Variants in CPNE8 observed in about 807,000 individuals in gnomAD.
CPNE8 encodes the protein copine 8.
In CPNE8, 45 loss-of-function variants were observed where a neutral mutation model predicts 81.5. The observed-to-expected ratio is 0.55, with a 90% CI of 0.44 to 0.71. The LOEUF (loss-of-function observed/expected upper bound fraction) is 0.71, where lower values mean the gene tolerates loss of function less well. Ranked by LOEUF, CPNE8 falls within the 30% of genes least tolerant of loss-of-function variation. The pLI is 0.00. For synonymous variants in CPNE8, 252 were observed against 226.3 expected (o/e 1.11, Z -1.02); for missense variants, 594 against 672.1 (o/e 0.88, Z 1.28).
intron 10 of CPNE8, among the ~76,000 whole-genome samples, chr12:38,746,130 C>T (rs1471999744): frequency 6.6e-6 from 1 of 151,986 alleles, no homozygotes; most frequent in Non-Finnish European, 1.5e-5. Flanking sequence ...TCAAGGTATT[C>T]TATTTCATAG....
At chr12:38,758,352 A>C in intron 10 of CPNE8, among the ~76,000 whole-genome samples, 1 of 23,936 alleles carries the variant, frequency 4.2e-5, no homozygotes, top group South Asian at 1.4e-3. Flanking sequence ...TCCAGACAAT[A>C]TACAATTTCA....
chr12:38,812,486 C>T (rs1942954311), intron 6 of CPNE8, among the ~76,000 whole-genome samples: 2 of 152,208 alleles, frequency 1.3e-5, no homozygotes, highest in South Asian at 4.1e-4. Flanking sequence ...AGGAAAAGCC[C>T]CTTATAAAAA....
intron 1 of CPNE8, among the ~76,000 whole-genome samples, chr12:38,902,357 AAAG>A (rs1402912025): frequency 0.011 from 865 of 77,708 alleles, 4 homozygotes; most frequent in Non-Finnish European, 0.013. Flanking sequence ...AGAAAGAAAG[AAAG>A]AAAGAAAGAA....
intron 6 of CPNE8, among the ~76,000 whole-genome samples, chr12:38,808,836 G>GA (rs1311796645): frequency 1.3e-5 from 2 of 151,394 alleles, no homozygotes; most frequent in Non-Finnish European, 2.9e-5. Context: ...CACCTCACAG[G>GA]AAAAAATGGG....
intron 19 of CPNE8, among the ~76,000 whole-genome samples, chr12:38,662,399 A>T (rs1209594268): frequency 6.6e-6 from 1 of 152,154 alleles, no homozygotes; most frequent in Non-Finnish European, 1.5e-5. Flanking sequence ...AAGCAATCTC[A>T]TTTATAATAG....
intron 1 of CPNE8, among the ~76,000 whole-genome samples, chr12:38,885,715 T>G (rs1944228600): frequency 6.6e-6 from 1 of 152,158 alleles, no homozygotes; most frequent in African/African-American, 2.4e-5. Flanking sequence ...TGGCTCTATG[T>G]CCCCACCCAA....
Position 38,798,875 on chromosome 12 carries a change from C to CA in CPNE8, c.408-22575dup, listed in dbSNP as rs532247714. 5.2e-3 allele frequency among the ~76,000 whole-genome samples: 781 copies of CA among 151,620 alleles called. 10 individuals are homozygous for CA. Among genetic ancestry groups the CA allele is most frequent in the African/African-American group, 0.017 (705 of 41,396 alleles). Reference sequence around the variant, plus strand: ...GAAGATCTACCAAGCAAATGGAAAACAAAAAAAGGCAGGGGTTGAAATCCC... The same window carrying CA: ...GAAGATCTACCAAGCAAATGGAAAACAAAAAAAAGGCAGGGGTTGAAATCCC... On this transcript the variant is annotated intron_variant, in intron 6 of 19. Transcript: ENST00000331366.
intron 18 of CPNE8, among the ~76,000 whole-genome samples, chr12:38,671,566 C>T (rs1939176543): frequency 6.6e-6 from 1 of 152,110 alleles, no homozygotes; most frequent in Non-Finnish European, 1.5e-5. Flanking sequence ...TAATTAATTA[C>T]ATGAGGAATG....
At chr12:38,668,712 G>T (rs371760825) in intron 19 of CPNE8, among the ~76,000 whole-genome samples, 1 of 152,042 alleles carries the variant, frequency 6.6e-6, no homozygotes, top group Non-Finnish European at 1.5e-5. Flanking sequence ...CTATAATTAT[G>T]CTGATGAGGT....
At chr12:38,902,374 A>AAGAG (rs1319319861) in intron 1 of CPNE8, among the ~76,000 whole-genome samples, 11 of 91,802 alleles carry the variant, frequency 1.2e-4, no homozygotes, top group Admixed American at 1.1e-3. Flanking sequence ...GAAAGAAAGA[A>AAGAG]AGAAAGAAAA....
At chr12:38,790,071 A>T (rs1942286973) in intron 6 of CPNE8, among the ~76,000 whole-genome samples, 1 of 151,788 alleles carries the variant, frequency 6.6e-6, no homozygotes, top group South Asian at 2.1e-4. Context: ...AGCTATCGTA[A>T]GATCCAACAA....
chr12:38,695,197 A>C (rs826879), intron 14 of CPNE8, among the ~76,000 whole-genome samples: 78,618 of 152,000 alleles, frequency 0.52, 21,499 homozygotes, highest in East Asian at 0.81. Context: ...CTTCCTCTGC[A>C]CCTTTGAGAT....
intron 19 of CPNE8, among the ~76,000 whole-genome samples, chr12:38,663,393 A>G (rs1939000553): frequency 6.6e-6 from 1 of 152,164 alleles, no homozygotes; most frequent in African/African-American, 2.4e-5. Context: ...GGCCAAAAAT[A>G]AATGAGAAAA....
chr12:38,728,242 T>C lies in CPNE8; in HGVS notation c.798+2041A>G, dbSNP rs1940748958. 1.3e-5 allele frequency among the ~76,000 whole-genome samples: 2 copies of C among 152,208 alleles called. 1 individual carries two copies. Among genetic ancestry groups the C allele is most frequent in the South Asian group, 4.1e-4 (2 of 4,830 alleles). On this transcript the variant is annotated intron_variant, in intron 11 of 19. Coordinates refer to ENST00000331366, the MANE Select transcript of CPNE8 (RefSeq NM_153634.3). The stretch of plus-strand genomic sequence containing the variant: ...ATAGAAGAAAGAAGTCGACAGAAAT[T>C]GTCCCTGGGGACTTGCAGATATGGG...
At chr12:38,748,248 T>A (rs1370603363) in intron 10 of CPNE8, among the ~76,000 whole-genome samples, 1 of 151,944 alleles carries the variant, frequency 6.6e-6, no homozygotes, top group East Asian at 1.9e-4. Flanking sequence ...TGACCTCAAG[T>A]GATCCGCCTG....
chr12:38,842,214 G>A (rs1477413353), intron 4 of CPNE8, among the ~76,000 whole-genome samples: 3 of 152,044 alleles, frequency 2.0e-5, no homozygotes, highest in African/African-American at 7.2e-5. Context: ...TTTTATCCAA[G>A]AAATGTTTCT....
chr12:38,660,429 A>C (rs370046769), intron 19 of CPNE8, among the ~76,000 whole-genome samples: 1 of 152,144 alleles, frequency 6.6e-6, no homozygotes, highest in Admixed American at 6.6e-5. Flanking sequence ...AAGCTGAAAC[A>C]GGATCCTTTT....
At chr12:38,824,862 T>A (rs779847232) in intron 6 of CPNE8, among the ~76,000 whole-genome samples, 1 of 152,134 alleles carries the variant, frequency 6.6e-6, no homozygotes, top group Non-Finnish European at 1.5e-5. Context: ...CTCACAAACA[T>A]GATTGCAAAA....
At chr12:38,778,314 C>A (rs1941977160) in intron 6 of CPNE8, among the ~76,000 whole-genome samples, 1 of 152,050 alleles carries the variant, frequency 6.6e-6, no homozygotes, top group Admixed American at 6.5e-5. Flanking sequence ...ATGAAATCAC[C>A]TAAGGAAGCA....
Sources: gnomAD v4.1 joint callset for allele counts (sites outside exome capture counted in the v4.1 genomes callset) on GRCh38, gnomAD v4.1.1 for gene constraint, MANE v1.5 for transcripts, NCBI Gene and HGNC (gene_info 2026-07-23, HGNC 2026-07-21) for gene names.